The following OSBPL11 variants were observed in gnomAD, a reference collection of about 807,000 sequenced individuals.
The protein encoded by OSBPL11 is oxysterol binding protein like 11, also known as oxysterol-binding protein-related protein 11.
A neutral mutation model predicts 84.4 loss-of-function variants in OSBPL11; 33 were observed. The ratio of observed to expected loss-of-function variants is 0.39; its 90% CI spans 0.30 to 0.52. The LOEUF is 0.52. Among genes scored for constraint, OSBPL11 ranks in the 20% least tolerant of loss-of-function variants. The pLI is 0.72. For missense variants in OSBPL11, 736 were observed against 901.1 expected (o/e 0.82, Z 2.35); for synonymous variants, 276 against 310.2 (o/e 0.89, Z 1.16).
chr3:125,535,439 C>CTTTTTTTTTTTTT (rs763678488), intron 11 of OSBPL11, among the ~76,000 whole-genome samples: 1 of 84,282 alleles, frequency 1.2e-5, no homozygotes, highest in African/African-American at 4.6e-5. Context: ...TCAGAAGCAT[C>CTTTTTTTTTTTTT]TTTTTTTTTT....
chr3:125,594,292 C>T (rs1476563497), intron 1 of OSBPL11, among the ~76,000 whole-genome samples: 1 of 152,214 alleles, frequency 6.6e-6, no homozygotes, highest in East Asian at 1.9e-4. Context: ...AGTTCCTGCC[C>T]TCGCAGTCTA....
chr3:125,570,385 T>C lies in OSBPL11; in HGVS notation c.667-2790A>G, dbSNP rs556357167. Among the ~76,000 whole-genome samples, 14 of 148,478 alleles carry C rather than the reference T, an allele frequency of 9.4e-5. No individual in the cohort carries two copies. The East Asian group carries it at 2.8e-3, about 29-fold the overall frequency. ...AGAAAAAATAAGCTGTGTGTGGTGGTGTGTGCCTGTAATCCCAGCTACTTG... is the reference window on the plus strand; with the variant it reads ...AGAAAAAATAAGCTGTGTGTGGTGGCGTGTGCCTGTAATCCCAGCTACTTG... On this transcript the variant is annotated intron_variant, in intron 5 of 12. Transcript: ENST00000296220.
At chr3:125,570,072 G>T (rs1465701369) in intron 5 of OSBPL11, among the ~76,000 whole-genome samples, 1 of 152,074 alleles carries the variant, frequency 6.6e-6, no homozygotes, top group Non-Finnish European at 1.5e-5. Flanking sequence ...AGAATCTTAA[G>T]ACATTCACAG....
chr3:125,554,120 C>T (rs1372286867), intron 8 of OSBPL11, among the ~76,000 whole-genome samples: 1 of 152,176 alleles, frequency 6.6e-6, no homozygotes, highest in Non-Finnish European at 1.5e-5. Flanking sequence ...CTAACTCAAA[C>T]CCCCAACTCC....
chr3:125,592,230 G>A lies in OSBPL11; in HGVS notation c.164+2407C>T, dbSNP rs1017177361. ...ATTTTTTAATTTTTTGTAGAGATGG[G>A]GTCTCTCTATGTTGCCCAGGCTAGT... On this transcript the variant is annotated intron_variant, in intron 1 of 12. Coordinates refer to ENST00000296220, the MANE Select transcript of OSBPL11 (RefSeq NM_022776.5). 3.9e-5 allele frequency among the ~76,000 whole-genome samples: 6 copies of A among 151,918 alleles called. No homozygotes were observed. The South Asian group carries it at 8.3e-4, about 21-fold the overall frequency.
chr3:125,534,951 G>GAAAAAAAAAAAAAAAAAAAA (rs56164804), intron 11 of OSBPL11, among the ~76,000 whole-genome samples: 1 of 64,640 alleles, frequency 1.5e-5, no homozygotes, highest in African/African-American at 7.5e-5. Context: ...TAAGAAATTA[G>GAAAAAAAAAAAAAAAAAAAA]AAAAAAAAAA....
intron 4 of OSBPL11, among the ~76,000 whole-genome samples, chr3:125,577,330 C>G (rs766399932): frequency 6.6e-6 from 1 of 152,118 alleles, no homozygotes; most frequent in Non-Finnish European, 1.5e-5. Context: ...TGAGACTCTC[C>G]TTTCACCTTG....
intron 5 of OSBPL11, among the ~76,000 whole-genome samples, chr3:125,572,852 T>C (rs1350564547): frequency 1.4e-5 from 2 of 145,842 alleles, no homozygotes; most frequent in Non-Finnish European, 3.0e-5. Context: ...TTTATTTATA[T>C]ATATTTATAT....
chr3:125,568,374 T>C (rs1936192536), intron 5 of OSBPL11, among the ~76,000 whole-genome samples: 2 of 147,130 alleles, frequency 1.4e-5, no homozygotes, highest in Admixed American at 1.4e-4. Flanking sequence ...GAGCTTGCAG[T>C]GAGCCAAGAT....
At chr3:125,535,828 A>C (rs1381839534) in intron 11 of OSBPL11, among the ~76,000 whole-genome samples, 1 of 151,730 alleles carries the variant, frequency 6.6e-6, no homozygotes, top group Admixed American at 6.6e-5. Context: ...ATATTGATTT[A>C]AAGTATATAT....
intron 5 of OSBPL11, among the ~76,000 whole-genome samples, chr3:125,571,170 G>A (rs774712686): frequency 6.6e-6 from 1 of 152,310 alleles, no homozygotes; most frequent in Middle Eastern, 3.4e-3. Context: ...AAAGACTGGT[G>A]GCATTTTGCC....
chr3:125,547,900 G>A (rs71325852), intron 9 of OSBPL11, among the ~76,000 whole-genome samples: 10,198 of 151,840 alleles, frequency 0.067, 468 homozygotes, highest in Non-Finnish European at 0.098. Flanking sequence ...TTTTTGAGAC[G>A]GAGTTTTGTG....
intron 8 of OSBPL11, among the ~76,000 whole-genome samples, chr3:125,558,700 G>T (rs1936029357): frequency 6.6e-6 from 1 of 152,118 alleles, no homozygotes; most frequent in African/African-American, 2.4e-5. Context: ...AACTTGATTG[G>T]CTTTTTAAAT....
chr3:125,551,479 T>A lies in OSBPL11; in HGVS notation c.1654+702A>T, dbSNP rs188269209. ...TTTTCCAAATATTTGATAAGAAATA[T>A]TTAAAATCGCCAGGCACGGTGGCTC... On this transcript the variant is annotated intron_variant, in intron 9 of 12. Coordinates refer to ENST00000296220, the MANE Select transcript of OSBPL11 (RefSeq NM_022776.5). Among the ~76,000 whole-genome samples, 132 of 152,066 alleles carry A rather than the reference T, an allele frequency of 8.7e-4. 1 individual carries two copies. Among genetic ancestry groups the A allele is most frequent in the African/African-American group, 2.9e-3 (121 of 41,488 alleles).
At chr3:125,575,282 G>C in intron 5 of OSBPL11, among the ~76,000 whole-genome samples, 1 of 151,996 alleles carries the variant, frequency 6.6e-6, no homozygotes, top group East Asian at 1.9e-4. Context: ...AAGAAATGGT[G>C]ATATAAGGCA....
At chr3:125,587,561 C>G (rs1387373276) in intron 1 of OSBPL11, among the ~76,000 whole-genome samples, 1 of 152,114 alleles carries the variant, frequency 6.6e-6, no homozygotes, top group Non-Finnish European at 1.5e-5. Flanking sequence ...AAGGGGAATA[C>G]AGAGAAGAAA....
chr3:125,578,087 C>T (rs1371068652), intron 4 of OSBPL11, among the ~76,000 whole-genome samples: 4 of 152,026 alleles, frequency 2.6e-5, no homozygotes, highest in Non-Finnish European at 4.4e-5. Context: ...GTGTTCATGG[C>T]AGCATTATTC....
At chr3:125,583,996 A>G (rs1438270350) in intron 1 of OSBPL11, among the ~76,000 whole-genome samples, 1 of 151,898 alleles carries the variant, frequency 6.6e-6, no homozygotes, top group African/African-American at 2.4e-5. Flanking sequence ...AATGCCCCAG[A>G]CTCTGTCTCA....
intron 1 of OSBPL11, among the ~76,000 whole-genome samples, chr3:125,585,914 C>T (rs1306530746): frequency 6.6e-6 from 1 of 152,112 alleles, no homozygotes; most frequent in Non-Finnish European, 1.5e-5. Flanking sequence ...GTATCTCTAA[C>T]TCTCATGCTT....
Sources: gnomAD v4.1 joint callset for allele counts (sites outside exome capture counted in the v4.1 genomes callset) on GRCh38, gnomAD v4.1.1 for gene constraint, MANE v1.5 for transcripts, NCBI Gene and HGNC (gene_info 2026-07-23, HGNC 2026-07-21) for gene names.